BRAF: variants seen among roughly 807,000 people sequenced by gnomAD.
BRAF encodes serine/threonine-protein kinase B-raf.
BRAF carries 16 observed loss-of-function variants against 104.6 expected under a neutral mutation model. The observed-to-expected ratio is 0.15, with a 90% confidence interval of 0.10 to 0.23. The LOEUF is 0.23. Ranked by LOEUF, BRAF falls within the 10% of genes least tolerant of loss-of-function variation. The pLI, the probability that BRAF is intolerant of heterozygous loss-of-function variation, is 1.00. For synonymous variants in BRAF, 310 were observed against 341.6 expected (o/e 0.91, Z 1.02); for missense variants, 541 against 937.3 (o/e 0.58, Z 5.52).
chr7:140,919,070 C>T (rs976352783), intron 1 of BRAF, among the ~76,000 whole-genome samples: 12 of 151,464 alleles, frequency 7.9e-5, no homozygotes, highest in Admixed American at 7.9e-4. Flanking sequence ...AGGCGTGAAC[C>T]CGGGAGGCAG....
chr7:140,850,707 G>A (rs916988925), intron 1 of BRAF, among the ~76,000 whole-genome samples: 6 of 151,926 alleles, frequency 3.9e-5, no homozygotes, highest in Admixed American at 2.6e-4. Flanking sequence ...CTCCCTAATG[G>A]TTATATAGCA....
At chr7:140,847,899 G>A (rs1243819215) in intron 2 of BRAF, among the ~76,000 whole-genome samples, 3 of 151,972 alleles carry the variant, frequency 2.0e-5, no homozygotes, top group Non-Finnish European at 4.4e-5. Flanking sequence ...GTATGTACAT[G>A]TGTATATGCA....
chr7:140,718,645 A>G (rs1252766755), downstream of BRAF, among the ~76,000 whole-genome samples: 2 of 152,162 alleles, frequency 1.3e-5, no homozygotes, highest in Non-Finnish European at 2.9e-5. Flanking sequence ...CGGCCTCCCA[A>G]ATTGCTGGGA....
intron 8 of BRAF, among the ~76,000 whole-genome samples, chr7:140,789,019 G>C (rs1801674627): frequency 1.3e-5 from 2 of 151,422 alleles, no homozygotes; most frequent in Admixed American, 1.3e-4. Flanking sequence ...GACCAGCCTG[G>C]TCAACATGGT....
At chr7:140,796,320 G>A (rs1390781895) in intron 7 of BRAF, among the ~76,000 whole-genome samples, 3 of 149,934 alleles carry the variant, frequency 2.0e-5, no homozygotes, top group African/African-American at 7.4e-5. Flanking sequence ...CTCTGCACTC[G>A]CCTGGGTGAC....
At chr7:140,838,130 C>G (rs1562987454) in intron 2 of BRAF, among the ~76,000 whole-genome samples, 3 of 152,196 alleles carry the variant, frequency 2.0e-5, no homozygotes, top group Admixed American at 2.0e-4. Flanking sequence ...CTTCAGGAGA[C>G]AGTTGTTCAA....
At position 140,725,907 on chromosome 7, in the gene BRAF, T is replaced by C. The variant is rs954195582; in HGVS notation, c.*587A>G. ...ACATCTACTCACCACTCAGCCTCCA[T>C]TTAAATAAAATAGTTTCCTTTTGAT... On this transcript the variant is annotated 3_prime_UTR_variant, in exon 20 of 20. Coordinates refer to ENST00000644969, the MANE Select transcript of BRAF (RefSeq NM_001374258.1). 6 of 1,062,416 alleles carry C rather than the reference T, an allele frequency of 5.6e-6. No homozygotes were observed. The highest frequency in any genetic ancestry group is 1.1e-4 in the Admixed American group (2 of 18,666). The allele number at this position is 1,062,416 out of a possible 1,614,324, so 65.8% of individuals were successfully genotyped here. A position where few individuals can be genotyped will look rare whatever the true frequency, so the allele number is the denominator to read the frequency against.
intron 1 of BRAF, among the ~76,000 whole-genome samples, chr7:140,886,826 A>T (rs935228008): frequency 5.3e-5 from 8 of 152,222 alleles, no homozygotes; most frequent in African/African-American, 1.9e-4. Flanking sequence ...CAGAGACCAC[A>T]TCTAAGCCCA....
rs1795516498 is a variant in BRAF, at chr7:140,724,894, G to GAA, written c.*1599_*1600insTT. 1.9e-6 allele frequency: 2 copies of GAA among 1,039,080 alleles called. No homozygotes were observed. Among genetic ancestry groups the GAA allele is most frequent in the African/African-American group, 1.7e-5 (1 of 59,632 alleles). 64.4% of individuals were successfully genotyped at this position (1,039,080 alleles called of 1,614,324 possible). A position where few individuals can be genotyped will look rare whatever the true frequency, so the allele number is the denominator to read the frequency against. Reference sequence around the variant, plus strand: ...CGCTTTCTTTGCTATGACTGTGATTGATATTACCCTTTAATAAAGGCCAAA... The same window carrying GAA: ...CGCTTTCTTTGCTATGACTGTGATTGAAATATTACCCTTTAATAAAGGCCAAA... On this transcript the variant is annotated 3_prime_UTR_variant, in exon 20 of 20. Coordinates refer to ENST00000644969, the MANE Select transcript of BRAF (RefSeq NM_001374258.1).
chr7:140,912,056 G>A (rs1328005600), intron 1 of BRAF, among the ~76,000 whole-genome samples: 1 of 152,178 alleles, frequency 6.6e-6, no homozygotes, highest in Non-Finnish European at 1.5e-5. Flanking sequence ...GGGAAGCTGA[G>A]GTGAGAAAAT....
intron 1 of BRAF, among the ~76,000 whole-genome samples, chr7:140,865,495 C>T (rs1810867465): frequency 6.6e-6 from 1 of 152,156 alleles, no homozygotes; most frequent in African/African-American, 2.4e-5. Flanking sequence ...TGCCTAAGTG[C>T]AGGCAGGTAG....
At chr7:140,919,141 C>A (rs1226079843) in intron 1 of BRAF, among the ~76,000 whole-genome samples, 1 of 125,284 alleles carries the variant, frequency 8.0e-6, no homozygotes, top group African/African-American at 4.1e-5. Context: ...AGCGAGACTC[C>A]GTCTCAAAAA....
At chr7:140,824,653 A>G (rs531531042) in intron 3 of BRAF, among the ~76,000 whole-genome samples, 6 of 137,488 alleles carry the variant, frequency 4.4e-5, no homozygotes, top group East Asian at 4.3e-4. Context: ...ATTTCTGAGG[A>G]AAAAAAAAAA....
intron 1 of BRAF, among the ~76,000 whole-genome samples, chr7:140,910,677 T>C (rs1816865459): frequency 6.6e-6 from 1 of 151,892 alleles, no homozygotes. Context: ...GGGGAAAAAA[T>C]ACACTTTTTT....
chr7:140,773,499 GCA>G (rs1373169357), intron 14 of BRAF: 2 of 152,026 alleles, frequency 1.3e-5, no homozygotes, highest in East Asian at 3.9e-4. Context: ...CATTTAGTAA[GCA>G]CACAGTCATC....
chr7:140,879,513 C>T (rs1311385785), intron 1 of BRAF, among the ~76,000 whole-genome samples: 1 of 137,218 alleles, frequency 7.3e-6, no homozygotes, highest in Non-Finnish European at 1.5e-5. Flanking sequence ...AAAAGTGTAG[C>T]TATAATGTAG....
intron 5 of BRAF, among the ~76,000 whole-genome samples, chr7:140,803,413 G>C (rs1204428968): frequency 2.6e-5 from 4 of 152,080 alleles, no homozygotes; most frequent in Non-Finnish European, 4.4e-5. Context: ...CAGAACCCCT[G>C]ATCTATGGTC....
chr7:140,852,338 C>T lies in BRAF; in HGVS notation c.139-2126G>A, dbSNP rs139243239. The stretch of plus-strand genomic sequence containing the variant: ...GAGCCATGAGTGCACCACTACACTC[C>T]GGCCTGGGCAACATAGTGAGACTCA... On this transcript the variant is annotated intron_variant, in intron 1 of 19. Transcript: ENST00000644969. Among the ~76,000 whole-genome samples the T allele has an allele frequency of 2.6e-4, 39 of 149,838 alleles. 1 individual carries two copies. Among genetic ancestry groups the T allele is most frequent in the South Asian group, 6.4e-4 (3 of 4,692 alleles).
chr7:140,885,325 A>T (rs532729056), intron 1 of BRAF, among the ~76,000 whole-genome samples: 6 of 151,688 alleles, frequency 4.0e-5, no homozygotes, highest in African/African-American at 1.5e-4. Context: ...TAAAAAAAAA[A>T]ATTTTTTTTT....
Sources: allele counts gnomAD v4.1 joint callset (sites outside exome capture counted in the v4.1 genomes callset), GRCh38; gene constraint gnomAD v4.1.1; transcripts MANE v1.5; gene names NCBI Gene and HGNC (gene_info 2026-07-23, HGNC 2026-07-21).